Variants in RANBP2 observed in about 807,000 individuals in gnomAD.
RANBP2 encodes the protein RAN binding protein 2, also known as E3 SUMO-protein ligase RanBP2.
Under a neutral mutation model 303.6 loss-of-function variants are expected in RANBP2, and 57 were observed. That is an observed-to-expected ratio of 0.19 (90% CI 0.15 to 0.23). The LOEUF (loss-of-function observed/expected upper bound fraction) is 0.23. Ranked by LOEUF, RANBP2 falls within the 10% of genes least tolerant of loss-of-function variation. The probability of loss-of-function intolerance (pLI) is 1.00; values close to 1 mark genes in which losing one functional copy is unlikely to be tolerated. For missense variants in RANBP2, 3,138 were observed against 3,780.8 expected, an observed-to-expected ratio of 0.83 and a Z score of 4.46; for synonymous variants, 1,167 against 1,301.5, an observed-to-expected ratio of 0.90 and a Z score of 2.23.
At chr2:108,725,195 G>T (rs1355513674) in intron 1 of RANBP2, among the ~76,000 whole-genome samples, 1 of 152,118 alleles carries the variant, frequency 6.6e-6, no homozygotes, top group Non-Finnish European at 1.5e-5. Flanking sequence ...AAGAAGTACT[G>T]CTTGCATCAG....
the RANBP2 span, among the ~76,000 whole-genome samples, chr2:109,530,457 A>C: frequency 6.6e-6 from 1 of 152,238 alleles, no homozygotes; most frequent in Non-Finnish European, 1.5e-5. Context: ...CTAAATGAAG[A>C]AAGCAAGGCT....
chr2:108,763,066 A>C (rs1445530571), intron 19 of RANBP2, among the ~76,000 whole-genome samples, 171 bp from the exon 20 acceptor site: 1 of 152,134 alleles, frequency 6.6e-6, no homozygotes, highest in Non-Finnish European at 1.5e-5. Context: ...GATTTTTCAC[A>C]CAGAAAATTT....
chr2:108,844,596 T>C, the RANBP2 span, among the ~76,000 whole-genome samples: 1 of 152,130 alleles, frequency 6.6e-6, no homozygotes, highest in African/African-American at 2.4e-5. Context: ...CTTGGAATGG[T>C]GGGTGATTTT....
chr2:109,519,268 C>G, the RANBP2 span, among the ~76,000 whole-genome samples: 2 of 152,200 alleles, frequency 1.3e-5, no homozygotes, highest in South Asian at 2.1e-4. Flanking sequence ...AACTCTAACA[C>G]GAGAACAGCA....
At chr2:109,386,658 G>A in the RANBP2 span, among the ~76,000 whole-genome samples, 3 of 152,120 alleles carry the variant, frequency 2.0e-5, no homozygotes, top group African/African-American at 7.2e-5. Flanking sequence ...CTTATCCTAG[G>A]GGCAGCCCCA....
chr2:109,111,084 C>CA, the RANBP2 span, among the ~76,000 whole-genome samples: 3 of 152,186 alleles, frequency 2.0e-5, no homozygotes, highest in African/African-American at 7.2e-5. Flanking sequence ...CACAGATGAT[C>CA]ATCCAGTTAC....
At chr2:109,719,799 C>T in the RANBP2 span, among the ~76,000 whole-genome samples, 103 of 152,168 alleles carry the variant, frequency 6.8e-4, no homozygotes, top group Admixed American at 9.2e-4. Context: ...GCTTAGAAGG[C>T]CTTTTCATAA....
At chr2:108,792,377 G>A in the RANBP2 span, among the ~76,000 whole-genome samples, 1 of 152,058 alleles carries the variant, frequency 6.6e-6, no homozygotes, top group African/African-American at 2.4e-5. Flanking sequence ...TAATTCTGTC[G>A]GGACTTGAGT....
chr2:109,709,952 TGGTGCATGCCTGTAATCCCAA>T, the RANBP2 span, among the ~76,000 whole-genome samples: 1 of 151,446 alleles, frequency 6.6e-6, no homozygotes, highest in South Asian at 2.1e-4. Flanking sequence ...CCAGGGGTGG[TGGTGCATGCCTGTAATCCCAA>T]CTACTTAGGA....
the RANBP2 span, among the ~76,000 whole-genome samples, chr2:109,036,231 CT>C: frequency 1.3e-5 from 2 of 152,102 alleles, no homozygotes; most frequent in Non-Finnish European, 2.9e-5. Context: ...AAGCAAACGG[CT>C]CACAAAAAAG....
At chr2:108,897,323 GAA>G in the RANBP2 span, 6 of 1,274,670 alleles carry the variant, frequency 4.7e-6, no homozygotes, top group Non-Finnish European at 6.5e-6. Context: ...AAAATTATTT[GAA>G]AAAAATTTTT....
At chr2:109,666,033 C>T in the RANBP2 span, among the ~76,000 whole-genome samples, 1 of 151,678 alleles carries the variant, frequency 6.6e-6, no homozygotes, top group Non-Finnish European at 1.5e-5. Context: ...ATTGCTTGAA[C>T]CTGGGAAGCG....
the RANBP2 span, among the ~76,000 whole-genome samples, chr2:109,551,316 T>G: frequency 6.6e-6 from 1 of 152,264 alleles, no homozygotes; most frequent in African/African-American, 2.4e-5. Context: ...AACAGTCCTT[T>G]AATATAGAAT....
the RANBP2 span, among the ~76,000 whole-genome samples, chr2:109,355,314 G>C: frequency 2.0e-5 from 3 of 152,314 alleles, no homozygotes; most frequent in South Asian, 6.2e-4. Context: ...GAACTTGTCT[G>C]CTTCATCTGA....
the RANBP2 span, among the ~76,000 whole-genome samples, chr2:109,056,081 T>C: frequency 2.0e-5 from 3 of 152,032 alleles, no homozygotes; most frequent in Non-Finnish European, 4.4e-5. Context: ...TTATCTGTTA[T>C]GATTATTTTG....
chr2:109,358,835 G>A, the RANBP2 span, among the ~76,000 whole-genome samples: 2 of 152,032 alleles, frequency 1.3e-5, no homozygotes, highest in Non-Finnish European at 2.9e-5. Flanking sequence ...TGCTTTTGGT[G>A]CTATATCCAA....
At chr2:109,260,249 A>G in the RANBP2 span, among the ~76,000 whole-genome samples, 1 of 152,020 alleles carries the variant, frequency 6.6e-6, no homozygotes, top group Non-Finnish European at 1.5e-5. Context: ...CTAGTGGAAA[A>G]CCATGCAAAC....
chr2:109,196,275 CT>C, the RANBP2 span, among the ~76,000 whole-genome samples: 1 of 152,222 alleles, frequency 6.6e-6, no homozygotes, highest in African/African-American at 2.4e-5. Flanking sequence ...TCCTGGGCCC[CT>C]GGGCTGCTCC....
chr2:109,583,478 T>C, the RANBP2 span, among the ~76,000 whole-genome samples: 1 of 151,906 alleles, frequency 6.6e-6, no homozygotes, highest in Non-Finnish European at 1.5e-5. Flanking sequence ...TATTAAAAAG[T>C]CAAAACACAA....
Sources: allele counts gnomAD v4.1 joint callset (sites outside exome capture counted in the v4.1 genomes callset), GRCh38; gene constraint gnomAD v4.1.1; transcripts MANE v1.5; gene names NCBI Gene and HGNC (gene_info 2026-07-23, HGNC 2026-07-21).